SPMAP2L: variants seen among roughly 807,000 people sequenced by gnomAD.
The protein encoded by SPMAP2L is sperm microtubule associated protein 2-like.
At chr4:56,624,979 G>A in the SPMAP2L span, among the ~76,000 whole-genome samples, 2 of 152,244 alleles carry the variant, frequency 1.3e-5, no homozygotes, top group Admixed American at 6.5e-5. Flanking sequence ...CTGTGCACCT[G>A]GAAAAGCTGC....
chr4:56,573,883 C>G, the SPMAP2L span, among the ~76,000 whole-genome samples: 1 of 152,112 alleles, frequency 6.6e-6, no homozygotes, highest in Admixed American at 6.5e-5. Context: ...GCTTACAAGA[C>G]ACCAGTTCAG....
the SPMAP2L span, chr4:56,593,685 T>C: frequency 6.2e-7 from 1 of 1,602,078 alleles, no homozygotes; most frequent in East Asian, 2.2e-5. Context: ...TTGGTGAGAA[T>C]GATGCCTGGA....
chr4:56,614,608 C>T, the SPMAP2L span, among the ~76,000 whole-genome samples: 5 of 151,856 alleles, frequency 3.3e-5, no homozygotes, highest in Admixed American at 6.6e-5. Flanking sequence ...GAGCTGAGAT[C>T]GTGCCACTGA....
chr4:56,616,821 G>A, the SPMAP2L span, among the ~76,000 whole-genome samples: 1 of 152,106 alleles, frequency 6.6e-6, no homozygotes, highest in Non-Finnish European at 1.5e-5. Context: ...GATGTTTAGT[G>A]CAAGGTGTCT....
At chr4:56,572,798 C>G in the SPMAP2L span, among the ~76,000 whole-genome samples, 1 of 151,984 alleles carries the variant, frequency 6.6e-6, no homozygotes, top group South Asian at 2.1e-4. Context: ...GGTGGATCAC[C>G]TGAGGTCAGG....
At chr4:56,618,354 C>T in the SPMAP2L span, among the ~76,000 whole-genome samples, 2 of 152,234 alleles carry the variant, frequency 1.3e-5, no homozygotes, top group African/African-American at 2.4e-5. Context: ...ACAAAAGGAG[C>T]GGACTGCAAG....
the SPMAP2L span, among the ~76,000 whole-genome samples, chr4:56,620,389 T>TTG: frequency 6.6e-6 from 1 of 150,760 alleles, no homozygotes; most frequent in African/African-American, 2.5e-5. Flanking sequence ...CCTTCTAGTT[T>TTG]TTTTTTTTTT....
chr4:56,593,647 C>T, the SPMAP2L span: 330 of 1,605,004 alleles, frequency 2.1e-4, 1 homozygote, highest in Admixed American at 5.8e-4. Flanking sequence ...GGGGACCCCA[C>T]GCAGCATTTT....
chr4:56,595,541 G>T, the SPMAP2L span: 6 of 1,465,608 alleles, frequency 4.1e-6, no homozygotes, highest in African/African-American at 6.9e-5. Context: ...CACTGGGACC[G>T]GCCTTATATT....
the SPMAP2L span, among the ~76,000 whole-genome samples, chr4:56,622,423 A>G: frequency 1.3e-5 from 2 of 152,380 alleles, no homozygotes; most frequent in South Asian, 2.1e-4. Flanking sequence ...ATCTATCCAG[A>G]TGAATCTATT....
At chr4:56,568,230 A>G in the SPMAP2L span, among the ~76,000 whole-genome samples, 1 of 152,070 alleles carries the variant, frequency 6.6e-6, no homozygotes, top group Admixed American at 6.6e-5. Flanking sequence ...TAGCTGTTTT[A>G]ATGTTCTTGC....
chr4:56,605,016 G>C, the SPMAP2L span, among the ~76,000 whole-genome samples: 2,275 of 152,268 alleles, frequency 0.015, 25 homozygotes, highest in Non-Finnish European at 0.023. Flanking sequence ...AGGCTGGTAG[G>C]GGGGTGAGGA....
the SPMAP2L span, among the ~76,000 whole-genome samples, chr4:56,590,039 C>T: frequency 6.6e-6 from 1 of 152,078 alleles, no homozygotes; most frequent in African/African-American, 2.4e-5. Flanking sequence ...TTGGCTAGGA[C>T]TTCCAGTACT....
chr4:56,623,687 G>A, the SPMAP2L span, among the ~76,000 whole-genome samples: 3 of 152,062 alleles, frequency 2.0e-5, no homozygotes, highest in Non-Finnish European at 2.9e-5. Context: ...AGATCTGATG[G>A]GTTTATTGGG....
At chr4:56,590,619 A>G in the SPMAP2L span, among the ~76,000 whole-genome samples, 1 of 152,194 alleles carries the variant, frequency 6.6e-6, no homozygotes, top group African/African-American at 2.4e-5. Flanking sequence ...ATGATCCACC[A>G]CACCCAGCCT....
the SPMAP2L span, among the ~76,000 whole-genome samples, chr4:56,589,960 A>G: frequency 6.6e-6 from 1 of 152,112 alleles, no homozygotes; most frequent in Non-Finnish European, 1.5e-5. Flanking sequence ...ATGTCATGCA[A>G]ACAGTAACAG....
At chr4:56,596,647 C>T in the SPMAP2L span, 1 of 1,500,034 alleles carries the variant, frequency 6.7e-7, no homozygotes, top group East Asian at 2.5e-5. Context: ...CCATCGCTAC[C>T]TTGGTATCCT....
the SPMAP2L span, among the ~76,000 whole-genome samples, chr4:56,614,025 G>A: frequency 3.3e-5 from 5 of 152,178 alleles, no homozygotes; most frequent in Non-Finnish European, 7.3e-5. Context: ...GAGGGCTCTC[G>A]CTGTCTCAGT....
At chr4:56,563,259 A>ATT in the SPMAP2L span, among the ~76,000 whole-genome samples, 1,099 of 135,494 alleles carry the variant, frequency 8.1e-3, 13 homozygotes, top group African/African-American at 0.028. Flanking sequence ...TACCCGGCTA[A>ATT]TTTTTTTTTT....
Sources: gnomAD v4.1 joint callset for allele counts (sites outside exome capture counted in the v4.1 genomes callset) on GRCh38, gnomAD v4.1.1 for gene constraint, MANE v1.5 for transcripts, NCBI Gene and HGNC (gene_info 2026-07-23, HGNC 2026-07-21) for gene names.